The following NSD1 variants were observed in gnomAD, a reference collection of about 807,000 sequenced individuals.
NSD1 encodes histone-lysine N-methyltransferase, H3 lysine-36 specific.
A neutral mutation model predicts 242.7 loss-of-function variants in NSD1; 26 were observed. The observed-to-expected ratio is 0.11, with a 90% CI of 0.08 to 0.15. The LOEUF is 0.15. NSD1 is among the 10% of genes least tolerant of loss of function. The probability of loss-of-function intolerance (pLI) is 1.00; values close to 1 mark genes in which losing one functional copy is unlikely to be tolerated. For missense variants in NSD1, 2,495 were observed against 3,272.8 expected, an observed-to-expected ratio of 0.76 and a Z score of 5.80; for synonymous variants, 1,106 against 1,178.1, an observed-to-expected ratio of 0.94 and a Z score of 1.25.
intron 14 of NSD1, chr5:177,265,652 C>T: frequency 6.2e-7 from 1 of 1,608,082 alleles, no homozygotes; most frequent in Non-Finnish European, 8.5e-7. Context: ...GTCCCGGTCC[C>T]AGTTCTTGGC....
chr5:177,186,105 A>T (rs1041999342), intron 2 of NSD1, among the ~76,000 whole-genome samples: 2 of 120,760 alleles, frequency 1.7e-5, no homozygotes, highest in Admixed American at 2.5e-4. Flanking sequence ...CATATATTAT[A>T]TTATATGTAT....
In NSD1 at chr5:177,295,792, G is replaced by T; in HGVS notation, c.*333G>T. 2.1e-6 allele frequency: 1 copy of T among 477,460 alleles called. No individual in the cohort carries two copies. Among genetic ancestry groups the T allele is most frequent in the Non-Finnish European group, 3.8e-6 (1 of 259,854 alleles). 29.6% of individuals were successfully genotyped at this position (477,460 alleles called of 1,614,324 possible). A position where few individuals can be genotyped will look rare whatever the true frequency, so the allele number is the denominator to read the frequency against. ...GGAATTCAATTCCGCTGGTCAGGTT[G>T]GAAGGTATAGGGGCTCTCAAAGCGA... On this transcript the variant is annotated 3_prime_UTR_variant, in exon 23 of 23. Coordinates refer to ENST00000439151, the MANE Select transcript of NSD1 (RefSeq NM_022455.5). This position sits in a 1 kb window ranked among gnomAD's most constrained non-coding sequence, Gnocchi z 4.3.
intron 2 of NSD1, among the ~76,000 whole-genome samples, chr5:177,191,454 T>C (rs7713407): frequency 0.045 from 6,776 of 152,242 alleles, 499 homozygotes; most frequent in African/African-American, 0.16. Flanking sequence ...ATGTAGAATA[T>C]CACATGCAGA....
In NSD1 at chr5:177,212,303, C is replaced by G. The variant is rs6556305; in HGVS notation, c.3796+108C>G. The G allele has an allele frequency of 0.9, 968,074 of 1,077,344 alleles. 436,002 individuals are homozygous for G. The highest frequency in any genetic ancestry group is 1 in the East Asian group (38,786 of 38,792). The allele number at this position is 1,077,344 out of a possible 1,614,324, so 66.7% of individuals were successfully genotyped here. On this transcript the variant is annotated intron_variant, in intron 5 of 22. Coordinates refer to ENST00000439151, the MANE Select transcript of NSD1 (RefSeq NM_022455.5). ...AATGGTAAAGTGAAGTATAAACTAG[C>G]GGGGAAGAATCATCACTTCAATGAA...
chr5:177,226,327 G>GC (rs1275734675), intron 5 of NSD1, among the ~76,000 whole-genome samples: 3 of 152,092 alleles, frequency 2.0e-5, no homozygotes, highest in African/African-American at 7.2e-5. Flanking sequence ...GAGCCACCGG[G>GC]CCCGGCCAGT....
At chr5:177,290,407 A>C (rs908313125) in intron 21 of NSD1, among the ~76,000 whole-genome samples, 8 of 140,952 alleles carry the variant, frequency 5.7e-5, no homozygotes, top group African/African-American at 1.8e-4. Flanking sequence ...AGAGTAAATA[A>C]ATTTTTTTTT....
chr5:177,292,569 G>A (rs1759927253), intron 22 of NSD1, among the ~76,000 whole-genome samples: 2 of 152,196 alleles, frequency 1.3e-5, no homozygotes, highest in Admixed American at 1.3e-4. Context: ...GAGAAAGAAA[G>A]ATTGAGATAG....
chr5:177,294,392 T>C lies in NSD1; in HGVS notation c.7024T>C (p.Ser2342Pro), dbSNP rs752927515. The C allele has an allele frequency of 2.5e-6, 4 of 1,614,156 alleles. No homozygotes were observed. Among genetic ancestry groups the C allele is most frequent in the Non-Finnish European group, 3.4e-6 (4 of 1,180,020 alleles). The change falls in exon 23 of 23, where the codon TCA (serine) becomes CCA (proline). Residue 2342 changes from serine to proline, a missense_variant. This residue lies in a region of NSD1 where 475 missense variants were observed against 563.7 expected (regional missense o/e 0.84). Transcript: ENST00000439151. ...KPSPVTSPSS[S>P]PSVRSQPLER... ...CTCTCCAGTGACCAGCCCAAGCTCC[T>C]CACCCTCAGTCAGGTCCCAACCACT...
intron 6 of NSD1, among the ~76,000 whole-genome samples, chr5:177,236,537 T>C (rs536955923): frequency 1.3e-5 from 2 of 152,368 alleles, no homozygotes; most frequent in South Asian, 2.1e-4. Context: ...CTGGTTGTTA[T>C]GGTTCTCAAA....
chr5:177,172,363 T>TA lies in NSD1; in HGVS notation c.928-19518dup, dbSNP rs575978123. ...GTCTTTTTTTTTTCCATCTCAGTCT[T>TA]AAAGTTATTTCTTCAAAGACATAAT... On this transcript the variant is annotated intron_variant, in intron 2 of 22. Transcript: ENST00000439151. Among the ~76,000 whole-genome samples, 86 of 152,244 alleles carry TA rather than the reference T, an allele frequency of 5.6e-4. 1 individual carries two copies. The East Asian group carries it at 0.016, about 28-fold the overall frequency.
In NSD1 at chr5:177,294,722, G is replaced by A. The variant is rs745704989; in HGVS notation, c.7354G>A (p.Ala2452Thr). The change falls in exon 23 of 23, where the codon GCT becomes ACT. Residue 2452 changes from alanine to threonine, a missense_variant. By Grantham distance (58) the Ala-to-Thr change is moderately conservative. Around this residue, in one of 19 missense-constraint regions of NSD1, gnomAD observed 475 missense variants for 563.7 expected, o/e 0.84. Transcript: ENST00000439151. Reference protein sequence around the residue: ...VDQNTQSKNRAALVMDLIDLT... With the variant: ...VDQNTQSKNRTALVMDLIDLT... ...CCAGAATACTCAGTCAAAAAATAGA[G>A]CTGCTTTGGTGATGGATCTCATAGA... The A allele has an allele frequency of 1.2e-6, 2 of 1,614,242 alleles. No individual in the cohort carries two copies. The highest frequency in any genetic ancestry group is 2.2e-5 in the South Asian group (2 of 91,088).
At chr5:177,243,550 A>G (rs934844323) in intron 8 of NSD1, among the ~76,000 whole-genome samples, 16 of 152,126 alleles carry the variant, frequency 1.1e-4, no homozygotes, top group Admixed American at 8.5e-4. Context: ...GAGCCTGTGG[A>G]TCTCTGGGTA....
At chr5:177,249,702 T>C (rs867775060) in intron 11 of NSD1, among the ~76,000 whole-genome samples, 1 of 152,194 alleles carries the variant, frequency 6.6e-6, no homozygotes, top group Admixed American at 6.5e-5. Flanking sequence ...TTGGCGAGGA[T>C]GGTCTCGATC....
At chr5:177,186,463 T>TA (rs1761243185) in intron 2 of NSD1, among the ~76,000 whole-genome samples, 1 of 152,112 alleles carries the variant, frequency 6.6e-6, no homozygotes, top group African/African-American at 2.4e-5. Context: ...TAGGTTTTTT[T>TA]AAAAAATCCT....
At chr5:177,136,524 A>AATCTAAAT (rs1010043990) in intron 2 of NSD1, among the ~76,000 whole-genome samples, 2 of 152,154 alleles carry the variant, frequency 1.3e-5, no homozygotes, top group African/African-American at 2.4e-5. Flanking sequence ...ACATTGTCAA[A>AATCTAAAT]ATCTAAATTA....
chr5:177,254,647 G>C (rs116067157), intron 12 of NSD1, among the ~76,000 whole-genome samples: 3,793 of 152,036 alleles, frequency 0.025, 64 homozygotes, highest in South Asian at 0.054. Flanking sequence ...TGATCCACCT[G>C]CTTTGGCCTC....
intron 9 of NSD1, among the ~76,000 whole-genome samples, chr5:177,245,996 G>GT (rs1766264700): frequency 6.8e-6 from 1 of 147,134 alleles, no homozygotes; most frequent in Non-Finnish European, 1.5e-5. Flanking sequence ...TTGAGATGGA[G>GT]TTTCGCTCTT....
chr5:177,207,060 C>G (rs1762928407), intron 4 of NSD1, among the ~76,000 whole-genome samples: 1 of 152,010 alleles, frequency 6.6e-6, no homozygotes, highest in Admixed American at 6.6e-5. Context: ...CTTCAGCCTC[C>G]CAAGTAGCTG....
chr5:177,175,879 CTT>C (rs778560139), intron 2 of NSD1, among the ~76,000 whole-genome samples: 14 of 142,692 alleles, frequency 9.8e-5, no homozygotes, highest in Non-Finnish European at 1.4e-4. Context: ...TGCAAAAATT[CTT>C]TTTTTTTTTT....
Sources: gnomAD v4.1 joint callset for allele counts (sites outside exome capture counted in the v4.1 genomes callset) on GRCh38, gnomAD v4.1.1 for gene constraint, gnomAD v4.1.1 regional missense constraint, Gnocchi (gnomAD v3.1) non-coding constraint, MANE v1.5 for transcripts, NCBI Gene and HGNC (gene_info 2026-07-23, HGNC 2026-07-21) for gene names.